The following DGKD variants were observed in gnomAD, a reference collection of about 807,000 sequenced individuals.
DGKD encodes the protein diacylglycerol kinase delta, also known as DAG kinase delta.
In DGKD, 68 loss-of-function variants were observed where a neutral mutation model predicts 154.4. That is an observed-to-expected ratio of 0.44 (90% CI 0.36 to 0.54). The LOEUF (loss-of-function observed/expected upper bound fraction) is 0.54, where lower values mean the gene tolerates loss of function less well. DGKD is among the 20% of genes least tolerant of loss of function. The pLI is 0.00. For missense variants in DGKD, 1,343 were observed against 1,593.6 expected (o/e 0.84, Z 2.68); for synonymous variants, 693 against 638.0 (o/e 1.09, Z -1.30).
chr2:233,437,421 T>A lies in DGKD; in HGVS notation c.864T>A (p.Leu288=). ...CKESLLTKCP[L]GLCKVSVIPP... Reference sequence around the variant, plus strand: ...AATCCTTGCTGACCAAGTGCCCACTTGGCCTGTGCAAAGTGTCAGTCATCC... The same window carrying A: ...AATCCTTGCTGACCAAGTGCCCACTAGGCCTGTGCAAAGTGTCAGTCATCC... The change falls in exon 8 of 30, where the codon CTT becomes CTA. Residue 288 remains leucine, a synonymous_variant. Coordinates refer to ENST00000264057, the MANE Select transcript of DGKD (RefSeq NM_152879.3). The A allele has an allele frequency of 6.2e-7, 1 of 1,614,242 alleles. No individual in the cohort carries two copies. Among genetic ancestry groups the A allele is most frequent in the South Asian group, 1.1e-5 (1 of 91,080 alleles).
intron 3 of DGKD, among the ~76,000 whole-genome samples, chr2:233,394,251 TC>T (rs1396697212): frequency 6.6e-6 from 1 of 152,226 alleles, no homozygotes; most frequent in Non-Finnish European, 1.5e-5. Context: ...GCTTTTTTTT[TC>T]TTCTTTCCTA....
chr2:233,434,230 T>G, intron 3 of DGKD, 150 bp from the exon 4 acceptor site: 1 of 605,496 alleles, frequency 1.7e-6, no homozygotes, highest in South Asian at 2.3e-5. Flanking sequence ...TTAGTGATCC[T>G]TGATAACCAT....
intron 3 of DGKD, among the ~76,000 whole-genome samples, chr2:233,421,673 G>A (rs1042139448): frequency 2.0e-5 from 3 of 151,438 alleles, no homozygotes; most frequent in African/African-American, 7.3e-5. Flanking sequence ...CTCCTTCCTC[G>A]CCTCCTCCCC....
chr2:233,452,015 G>A lies in DGKD; in HGVS notation c.2219G>A (p.Arg740His), dbSNP rs759142670. Residue 740 changes from arginine (R) to histidine (H), a missense_variant, in exon 18 of 30, where the codon CGC becomes CAC. By Grantham distance (29) the Arg-to-His change is conservative. This residue lies in a region of DGKD where 409 missense variants were observed against 446.0 expected (regional missense o/e 0.92). Coordinates refer to ENST00000264057, the MANE Select transcript of DGKD (RefSeq NM_152879.3). The surrounding 1 kb of genome is among the most constrained non-coding windows in gnomAD (Gnocchi z 4.0). ...TTACCCGGTGGCTCAGTCATCAGTC[G>A]CCTGTTAATTAATGCTGATCCCTTC... ...GSLPGGSVIS[R>H]LLINADPFNS... 18 of 1,613,888 alleles carry A rather than the reference G, an allele frequency of 1.1e-5. No homozygotes were observed. The highest frequency in any genetic ancestry group is 4.5e-5 in the East Asian group (2 of 44,902).
chr2:233,464,061 C>T (rs1048620719), intron 26 of DGKD, 103 bp from the exon 27 acceptor site: 4 of 1,483,496 alleles, frequency 2.7e-6, no homozygotes, highest in Non-Finnish European at 3.6e-6. Flanking sequence ...GCTCCCTGAT[C>T]AGAGCAGAGC....
intron 26 of DGKD, among the ~76,000 whole-genome samples, chr2:233,463,456 CCACGCATGTCCTCACTG>C (rs1559183691): frequency 2.4e-4 from 25 of 105,752 alleles, no homozygotes; most frequent in South Asian, 3.7e-4. Context: ...TCTCCTCACT[CCACGCATGTCCTCACTG>C]CACGCATGTC....
chr2:233,435,067 C>T (rs564058408), intron 5 of DGKD, among the ~76,000 whole-genome samples, 166 bp downstream of exon 5: 6 of 152,284 alleles, frequency 3.9e-5, no homozygotes, highest in East Asian at 1.9e-4. Context: ...TTTTACCTGC[C>T]GAAGAGTCCT....
At position 233,437,377 on chromosome 2, in the gene DGKD, G is replaced by T; in HGVS notation, c.820G>T (p.Val274Phe). 1 of 1,614,080 alleles carries T rather than the reference G, an allele frequency of 6.2e-7. No homozygotes were observed. The highest frequency in any genetic ancestry group is 8.5e-7 in the Non-Finnish European group (1 of 1,179,934). ...GGTGACGCGGGGACTCTTGTTTCAG[G>T]TTCACACATCGTGTAAAGAATCCTT... is the stretch of plus-strand genomic sequence containing the variant. ...DWRCLWCKAM[V>F]HTSCKESLLT... The change falls in exon 8 of 30, where the codon GTT becomes TTT. Residue 274 changes from valine to phenylalanine, a missense_variant and splice_region_variant. Coordinates refer to ENST00000264057, the MANE Select transcript of DGKD (RefSeq NM_152879.3).
rs1423361953 is a variant in DGKD, at chr2:233,388,260, A to G, written c.160A>G (p.Ile54Val). Residue 54 changes from isoleucine to valine, a missense_variant, in exon 2 of 30, where the codon ATC becomes GTC. Transcript: ENST00000264057. ...STSGQIRQKT[I>V]IKEGMLTKQN... ...GAATATGTTTCTGTACTTTCAGACC[A>G]TCATCAAAGAGGGGATGCTGACCAA... 9 of 1,612,234 alleles carry G rather than the reference A, an allele frequency of 5.6e-6. No homozygotes were observed. Among genetic ancestry groups the G allele is most frequent in the South Asian group, 2.2e-5 (2 of 90,678 alleles).
Position 233,449,256 on chromosome 2 carries a change from C to G in DGKD, c.1768C>G (p.Arg590Gly), listed in dbSNP as rs138793873. 1.2e-6 allele frequency: 2 copies of G among 1,613,666 alleles called. No individual in the cohort carries two copies. The highest frequency in any genetic ancestry group is 2.2e-5 in the South Asian group (2 of 91,084). The change falls in exon 15 of 30, where the codon CGC (arginine) becomes GGC (glycine). Residue 590 changes from arginine to glycine, a missense_variant. Transcript: ENST00000264057. The surrounding 1 kb of genome is among the most constrained non-coding windows in gnomAD (Gnocchi z 5.3). ...SGSICGSTGD[R>G]LVASACPARP... ...CAGCATCTGCGGTTCCACCGGAGAC[C>G]GCTTGGTGGCATCAGCTTGCCCGGC...
At chr2:233,379,854 C>G (rs552274025) in intron 1 of DGKD, 2 of 152,016 alleles carry the variant, frequency 1.3e-5, no homozygotes, top group East Asian at 3.9e-4. Context: ...TTAGAGTAGT[C>G]CAGTGAAGTA....
chr2:233,360,235 T>G (rs1368913675), intron 1 of DGKD, among the ~76,000 whole-genome samples: 6 of 152,192 alleles, frequency 3.9e-5, no homozygotes, highest in Non-Finnish European at 8.8e-5. Flanking sequence ...GCCCACATAA[T>G]AAGATATTAG....
intron 3 of DGKD, among the ~76,000 whole-genome samples, chr2:233,415,138 G>T (rs191923000): frequency 6.6e-6 from 1 of 152,328 alleles, no homozygotes; most frequent in African/African-American, 2.4e-5. Context: ...CAAAACTTGA[G>T]AGCACCCTCA....
chr2:233,405,692 C>G (rs2125497981), intron 3 of DGKD, among the ~76,000 whole-genome samples: 1 of 152,286 alleles, frequency 6.6e-6, no homozygotes, highest in African/African-American at 2.4e-5. Context: ...TCACCAGATG[C>G]CGCACCATGC....
rs2063318257 is a variant in DGKD at position 233,452,239 on chromosome 2, G to A, written c.2264+179G>A. The stretch of plus-strand genomic sequence containing the variant: ...AGGAGTGGAGCTGGAAACCACTACT[G>A]CACATCTGCTGCAGAGGCAAAGCGC... On this transcript the variant is annotated intron_variant, in intron 18 of 29. Transcript: ENST00000264057. This position sits in a 1 kb window ranked among gnomAD's most constrained non-coding sequence, Gnocchi z 4.0. Among the ~76,000 whole-genome samples the A allele has an allele frequency of 6.6e-6, 1 of 152,220 alleles. No homozygotes were observed. Among genetic ancestry groups the A allele is most frequent in the African/African-American group, 2.4e-5 (1 of 41,462 alleles).
chr2:233,397,694 TTGCAGGTGTCAGAA>T (rs1381352298), intron 3 of DGKD, among the ~76,000 whole-genome samples: 1 of 152,100 alleles, frequency 6.6e-6, no homozygotes, highest in Non-Finnish European at 1.5e-5. Flanking sequence ...ATTCTCAGAT[TTGCAGGTGTCAGAA>T]AGTTCTACTC....
At chr2:233,385,988 C>A (rs867240045) in intron 1 of DGKD, 1 of 470,660 alleles carries the variant, frequency 2.1e-6, no homozygotes, top group Non-Finnish European at 4.4e-6. Context: ...AAAGATTGTG[C>A]GTGTGCGTGT....
chr2:233,364,309 A>G (rs1005274949), intron 1 of DGKD, among the ~76,000 whole-genome samples: 2 of 152,246 alleles, frequency 1.3e-5, no homozygotes, highest in Admixed American at 6.5e-5. Context: ...TAAAGGAAAC[A>G]TTAAGTGTTT....
chr2:233,467,252 A>G, intron 28 of DGKD, 49 bp downstream of exon 28: 1 of 1,329,194 alleles, frequency 7.5e-7, no homozygotes, highest in South Asian at 1.2e-5. Flanking sequence ...CGCCTGCTGG[A>G]TCGGCCCCGT....
Sources: allele counts gnomAD v4.1 joint callset (sites outside exome capture counted in the v4.1 genomes callset), GRCh38; gene constraint gnomAD v4.1.1; regional missense constraint gnomAD v4.1.1; non-coding constraint Gnocchi (gnomAD v3.1); transcripts MANE v1.5; gene names NCBI Gene and HGNC (gene_info 2026-07-23, HGNC 2026-07-21).